Variants in FKBP5 observed in about 807,000 individuals in gnomAD.
The protein encoded by FKBP5 is peptidyl-prolyl cis-trans isomerase FKBP5.
Under a neutral mutation model 50.5 loss-of-function variants are expected in FKBP5, and 23 were observed. The ratio of observed to expected loss-of-function variants is 0.46; its 90% confidence interval spans 0.33 to 0.65. FKBP5 has a LOEUF of 0.65. Ranked by LOEUF, FKBP5 falls within the 30% of genes least tolerant of loss-of-function variation. The probability of loss-of-function intolerance (pLI) is 0.02; values close to 1 mark genes in which losing one functional copy is unlikely to be tolerated. For synonymous variants in FKBP5, 176 were observed against 190.6 expected, an observed-to-expected ratio of 0.92 and a Z score of 0.63; for missense variants, 411 against 553.1, an observed-to-expected ratio of 0.74 and a Z score of 2.58.
intron 1 of FKBP5, among the ~76,000 whole-genome samples, chr6:35,723,258 A>T (rs922715919): frequency 1.1e-4 from 17 of 151,944 alleles, no homozygotes; most frequent in African/African-American, 2.2e-4. Context: ...AAAATAAAAT[A>T]AAAATTAAAA....
chr6:35,590,949 T>C (rs1364915954), intron 7 of FKBP5, among the ~76,000 whole-genome samples, 181 bp downstream of exon 7: 1 of 151,550 alleles, frequency 6.6e-6, no homozygotes, highest in Non-Finnish European at 1.5e-5. Context: ...TCCTTCGTTG[T>C]ATATCAGCTG....
chr6:35,600,323 T>G (rs1763107021), intron 5 of FKBP5, among the ~76,000 whole-genome samples: 1 of 151,636 alleles, frequency 6.6e-6, no homozygotes, highest in Non-Finnish European at 1.5e-5. Context: ...GAGGCTGAGG[T>G]GGGAGGATTG....
chr6:35,648,433 G>GTT (rs536239953), intron 1 of FKBP5, among the ~76,000 whole-genome samples: 17 of 144,280 alleles, frequency 1.2e-4, no homozygotes, highest in Non-Finnish European at 2.4e-4. Context: ...CACACCTAAT[G>GTT]TTTTTTTTTT....
intron 2 of FKBP5, among the ~76,000 whole-genome samples, chr6:35,641,287 G>A (rs1764481031): frequency 6.6e-6 from 1 of 152,128 alleles, no homozygotes; most frequent in Admixed American, 6.5e-5. Flanking sequence ...TCAGCCAAGG[G>A]TGTTTTACAG....
intron 1 of FKBP5, among the ~76,000 whole-genome samples, chr6:35,652,982 C>T (rs750364165): frequency 1.3e-5 from 2 of 152,066 alleles, no homozygotes; most frequent in East Asian, 1.9e-4. Context: ...AAAGAACCTA[C>T]GTGATTATCG....
At chr6:35,595,135 C>G (rs1452021911) in intron 6 of FKBP5, among the ~76,000 whole-genome samples, 1 of 152,140 alleles carries the variant, frequency 6.6e-6, no homozygotes, top group Non-Finnish European at 1.5e-5. Context: ...GGGTTAAGTG[C>G]CTTGGCCAAG....
At position 35,645,161 on chromosome 6, in the gene FKBP5, G is replaced by A. The variant is rs186237866; in HGVS notation, c.-19-2318C>T. ...GTGATTTAGATGTGCTATCACCTAT[G>A]TGCTATCCCTATCAAAAATGTTTAA... On this transcript the variant is annotated intron_variant, in intron 1 of 10. Transcript: ENST00000357266. 3.2e-3 allele frequency among the ~76,000 whole-genome samples: 486 copies of A among 152,300 alleles called. 1 individual carries two copies. Among genetic ancestry groups the A allele is most frequent in the African/African-American group, 0.01 (424 of 41,564 alleles).
chr6:35,646,474 T>C (rs1415511653), intron 1 of FKBP5, among the ~76,000 whole-genome samples: 1 of 152,220 alleles, frequency 6.6e-6, no homozygotes, highest in African/African-American at 2.4e-5. Flanking sequence ...ATTTTCCAAG[T>C]ATTTCCCCTT....
chr6:35,579,598 T>TATCA (rs1762357119), intron 9 of FKBP5, among the ~76,000 whole-genome samples: 1 of 152,188 alleles, frequency 6.6e-6, no homozygotes, highest in Admixed American at 6.5e-5. Context: ...TATTTATGCA[T>TATCA]ATCAGTGAAT....
chr6:35,609,969 T>C (rs2150971459), intron 5 of FKBP5, among the ~76,000 whole-genome samples: 1 of 152,308 alleles, frequency 6.6e-6, no homozygotes, highest in South Asian at 2.1e-4. Flanking sequence ...TTTCGTGATA[T>C]TTGCTGATGA....
chr6:35,627,185 G>C (rs1394097910), intron 3 of FKBP5, among the ~76,000 whole-genome samples: 2 of 152,146 alleles, frequency 1.3e-5, no homozygotes, highest in African/African-American at 4.8e-5. Flanking sequence ...ACCGGTATGA[G>C]GGTAATACTT....
Position 35,575,556 on chromosome 6 carries a change from G to A in FKBP5, c.*279C>T, listed in dbSNP as rs529550372. 2.7e-5 allele frequency: 10 copies of A among 371,944 alleles called. No homozygotes were observed. Among genetic ancestry groups the A allele is most frequent in the Non-Finnish European group, 1.0e-5 (2 of 200,414 alleles). 23.0% of individuals were successfully genotyped at this position (371,944 alleles called of 1,614,324 possible). On this transcript the variant is annotated 3_prime_UTR_variant, in exon 11 of 11. Transcript: ENST00000357266. Reference sequence around the variant, plus strand: ...TGAATTGGATACTTGAAGGTTGATAGAAACTGAAATGAGCTGGACTTAAGC... The same window carrying A: ...TGAATTGGATACTTGAAGGTTGATAAAAACTGAAATGAGCTGGACTTAAGC...
chr6:35,670,855 G>GA (rs1255037208), intron 1 of FKBP5, among the ~76,000 whole-genome samples: 2 of 151,986 alleles, frequency 1.3e-5, no homozygotes, highest in African/African-American at 2.4e-5. Context: ...AAGAAAAAGG[G>GA]AAAAAACTCA....
upstream of FKBP5, among the ~76,000 whole-genome samples, chr6:35,689,195 A>AC (rs1399512610): frequency 4.0e-5 from 6 of 151,838 alleles, no homozygotes; most frequent in Non-Finnish European, 5.9e-5. Context: ...GGAAACTGAC[A>AC]CCCCCTCACA....
At chr6:35,635,378 G>A (rs986955064) in intron 3 of FKBP5, among the ~76,000 whole-genome samples, 3 of 152,106 alleles carry the variant, frequency 2.0e-5, no homozygotes, top group African/African-American at 7.2e-5. Flanking sequence ...GGGCTGAGTT[G>A]GGAGGATCAC....
At chr6:35,698,485 A>G (rs1766122340) in intron 2 of FKBP5, among the ~76,000 whole-genome samples, 1 of 150,724 alleles carries the variant, frequency 6.6e-6, no homozygotes, top group African/African-American at 2.4e-5. Flanking sequence ...TGTCTCTACT[A>G]AAAATGCAAA....
chr6:35,582,837 C>T, intron 8 of FKBP5: 1 of 984,628 alleles, frequency 1.0e-6, no homozygotes, highest in South Asian at 4.7e-5. Flanking sequence ...TGTCCTCTCC[C>T]TTTTGGAATA....
chr6:35,689,043 T>G (rs1765926839), upstream of FKBP5: 1 of 151,730 alleles, frequency 6.6e-6, no homozygotes, highest in African/African-American at 2.4e-5. Context: ...GCGCGCGGGC[T>G]GTCGATCCGC....
intron 3 of FKBP5, among the ~76,000 whole-genome samples, chr6:35,630,239 T>C (rs746194440): frequency 6.6e-6 from 1 of 151,916 alleles, no homozygotes; most frequent in East Asian, 1.9e-4. Context: ...TACTATGACA[T>C]ATCATTACTG....
Sources: allele counts gnomAD v4.1 joint callset (sites outside exome capture counted in the v4.1 genomes callset), GRCh38; gene constraint gnomAD v4.1.1; transcripts MANE v1.5; gene names NCBI Gene and HGNC (gene_info 2026-07-23, HGNC 2026-07-21).